PCTP: variants seen among roughly 807,000 people sequenced by gnomAD.
PCTP encodes START domain-containing protein 2.
PCTP carries 27 observed loss-of-function variants against 31.0 expected under a neutral mutation model. The ratio of observed to expected loss-of-function variants is 0.87; its 90% confidence interval spans 0.64 to 1.20. PCTP has a LOEUF of 1.20. PCTP is among the 50% of genes most tolerant of loss of function. PCTP has a pLI of 0.00. For missense variants in PCTP, 287 were observed against 268.2 expected, an observed-to-expected ratio of 1.07 and a Z score of -0.49; for synonymous variants, 108 against 101.2, an observed-to-expected ratio of 1.07 and a Z score of -0.40.
In PCTP at chr17:55,774,796, C is replaced by G; in HGVS notation, c.516C>G (p.Phe172Leu). Reference sequence around the variant, plus strand: ...GTCCTTTCTTTCCCTCTCTAGTTTTCATGTATTACTTCGATAACCCGGGTG... The same window carrying G: ...GTCCTTTCTTTCCCTCTCTAGTTTTGATGTATTACTTCGATAACCCGGGTG... Reference protein sequence around the residue: ...ESDGKKGSKVFMYYFDNPGGQ... With the variant: ...ESDGKKGSKVLMYYFDNPGGQ... Residue 172 changes from phenylalanine to leucine, a missense_variant, in exon 5 of 6, where the codon TTC becomes TTG. Phe to Leu is a conservative substitution (Grantham distance 22, BLOSUM62 0). Transcript: ENST00000268896. 1 of 1,606,506 alleles carries G rather than the reference C, an allele frequency of 6.2e-7. No individual in the cohort carries two copies. Among genetic ancestry groups the G allele is most frequent in the African/African-American group, 1.4e-5 (1 of 73,786 alleles).
At chr17:55,753,416 G>T (rs1455916161) in intron 1 of PCTP, among the ~76,000 whole-genome samples, 1 of 152,126 alleles carries the variant, frequency 6.6e-6, no homozygotes, top group Non-Finnish European at 1.5e-5. Flanking sequence ...TTATAATTCA[G>T]GTGCTAAGTG....
chr17:55,827,154 A>C (rs1052276113), downstream of PCTP, among the ~76,000 whole-genome samples: 1 of 151,892 alleles, frequency 6.6e-6, no homozygotes, highest in Non-Finnish European at 1.5e-5. Flanking sequence ...CTGCACTTTG[A>C]GTCTGAGCTA....
Position 55,841,664 on chromosome 17 carries a change from G to A in PCTP, n.506-1063G>A, listed in dbSNP as rs60888912. On this transcript the variant is annotated intron_variant and non_coding_transcript_variant, in intron 5 of 5. Transcript: ENST00000576221. Reference sequence around the variant, plus strand: ...GTGAGGAGGGGGCGGTCATACCTTGGGTGAGATCAAAATAATGAGCACAGA... The same window carrying A: ...GTGAGGAGGGGGCGGTCATACCTTGAGTGAGATCAAAATAATGAGCACAGA... Among the ~76,000 whole-genome samples the A allele has an allele frequency of 3.6e-3, 548 of 152,100 alleles. 1 individual carries two copies. Among genetic ancestry groups the A allele is most frequent in the African/African-American group, 1.0e-2 (413 of 41,482 alleles).
chr17:55,772,660 G>T (rs541559313), intron 3 of PCTP, among the ~76,000 whole-genome samples: 13 of 151,544 alleles, frequency 8.6e-5, no homozygotes, highest in African/African-American at 2.9e-4. Flanking sequence ...TGTGTTGTGC[G>T]TAGTGACTTT....
chr17:55,797,163 T>C (rs1259766194), intron 3 of PCTP, among the ~76,000 whole-genome samples: 2 of 152,034 alleles, frequency 1.3e-5, no homozygotes. Flanking sequence ...GGGATTTCCA[T>C]TCCTGACTAT....
At chr17:55,780,197 A>G (rs934756159), downstream of PCTP, among the ~76,000 whole-genome samples, 2 of 151,954 alleles carry the variant, frequency 1.3e-5, no homozygotes, top group Admixed American at 6.6e-5. Flanking sequence ...AATTATTTAC[A>G]TTGCTCATCT....
At chr17:55,758,030 C>T (rs1037714312) in intron 1 of PCTP, among the ~76,000 whole-genome samples, 12 of 152,142 alleles carry the variant, frequency 7.9e-5, no homozygotes, top group Non-Finnish European at 1.6e-4. Flanking sequence ...AAAGCTCTTC[C>T]AGTGATCTGC....
At chr17:55,849,833 A>G in the PCTP span, among the ~76,000 whole-genome samples, 1 of 152,178 alleles carries the variant, frequency 6.6e-6, no homozygotes, top group African/African-American at 2.4e-5. Context: ...ATTTTAGCAA[A>G]TTGAATTCAT....
intron 5 of PCTP, among the ~76,000 whole-genome samples, chr17:55,842,192 C>A (rs1176910693): frequency 6.6e-6 from 1 of 151,990 alleles, no homozygotes; most frequent in Non-Finnish European, 1.5e-5. Context: ...ATAAGAGATA[C>A]ACAAAAATTA....
intron 5 of PCTP, among the ~76,000 whole-genome samples, chr17:55,834,544 T>A (rs1905714927): frequency 6.6e-6 from 1 of 152,214 alleles, no homozygotes; most frequent in African/African-American, 2.4e-5. Context: ...GAAGGGGATT[T>A]TAGCTTAGGA....
At chr17:55,779,063 C>G (rs574017547), downstream of PCTP, among the ~76,000 whole-genome samples, 1 of 152,078 alleles carries the variant, frequency 6.6e-6, no homozygotes, top group African/African-American at 2.4e-5. Flanking sequence ...AGGAAGAGCC[C>G]CATTCAGTTC....
In PCTP at chr17:55,805,917, T is replaced by TG. The variant is rs1159147410; in HGVS notation, c.318-16844_318-16843insG. 1.8e-3 allele frequency among the ~76,000 whole-genome samples: 274 copies of TG among 151,690 alleles called. 3 individuals carry two copies. Among genetic ancestry groups the TG allele is most frequent in the Middle Eastern group, 0.01 (3 of 292 alleles). On this transcript the variant is annotated intron_variant, in intron 3 of 3. Transcript: ENST00000572536. ...GTGTGTGTGTGTGTGTGTGTGTGTG[T>TG]TTGACTTTAGAGAAATCTCTTTGGC...
At chr17:55,841,642 A>T (rs190639707) in intron 5 of PCTP, among the ~76,000 whole-genome samples, 2 of 152,128 alleles carry the variant, frequency 1.3e-5, no homozygotes, top group African/African-American at 4.8e-5. Context: ...ATTCCAAGTG[A>T]GGAGGGGGCG....
chr17:55,771,023 A>G (rs1199329043), intron 2 of PCTP, 83 bp from the exon 3 acceptor site: 7 of 1,034,732 alleles, frequency 6.8e-6, no homozygotes, highest in Admixed American at 3.5e-5. Flanking sequence ...ATGAGCCACC[A>G]TGCTTGGCCT....
chr17:55,810,363 T>C (rs571630392), intron 3 of PCTP, among the ~76,000 whole-genome samples: 15 of 152,254 alleles, frequency 9.9e-5, no homozygotes, highest in African/African-American at 3.4e-4. Flanking sequence ...AGCAAACCAA[T>C]GGTAAAATTT....
At chr17:55,751,601 GC>G in intron 1 of PCTP, 6 of 970,356 alleles carry the variant, frequency 6.2e-6, no homozygotes, top group Non-Finnish European at 8.5e-6. Context: ...CGTGTCAGTG[GC>G]ATATGGGGGC....
At position 55,766,713 on chromosome 17, in the gene PCTP, A is replaced by C. The variant is rs543343904; in HGVS notation, c.142-622A>C. Among the ~76,000 whole-genome samples, 622 of 152,280 alleles carry C rather than the reference A, an allele frequency of 4.1e-3. 6 individuals are homozygous for C. Among genetic ancestry groups the C allele is most frequent in the African/African-American group, 0.014 (588 of 41,534 alleles). On this transcript the variant is annotated intron_variant, in intron 1 of 5. Coordinates refer to ENST00000268896, the MANE Select transcript of PCTP (RefSeq NM_021213.4). ...TCTTTGCTATTGTGAATAGAGCCGC[A>C]GTAAACATATGTGTGCATGTGTCTT...
chr17:55,755,678 A>G (rs934138224), intron 1 of PCTP, among the ~76,000 whole-genome samples: 1 of 152,128 alleles, frequency 6.6e-6, no homozygotes, highest in African/African-American at 2.4e-5. Flanking sequence ...GTCCAACACC[A>G]TTATCTTTTT....
At chr17:55,770,220 A>T (rs1910907694) in intron 2 of PCTP, 1 of 152,188 alleles carries the variant, frequency 6.6e-6, no homozygotes, top group Non-Finnish European at 1.5e-5. Flanking sequence ...AAATTTGGTC[A>T]CCCTAGCTGT....
Sources: allele counts gnomAD v4.1 joint callset (sites outside exome capture counted in the v4.1 genomes callset), GRCh38; gene constraint gnomAD v4.1.1; transcripts MANE v1.5; gene names NCBI Gene and HGNC (gene_info 2026-07-23, HGNC 2026-07-21).